LOC128031834: variants seen among roughly 807,000 people sequenced by gnomAD.
At chr3:88,058,159 G>A in the LOC128031834 span, 1 of 152,188 alleles carries the variant, frequency 6.6e-6, no homozygotes, top group African/African-American at 2.4e-5. Context: ...AACAAGTGGT[G>A]GTGGGGAAAT....
chr3:88,058,174 T>C, the LOC128031834 span: 2 of 152,198 alleles, frequency 1.3e-5, no homozygotes, highest in African/African-American at 4.8e-5. Context: ...GGAAATAGTT[T>C]CTGGGCTTGC....
chr3:88,058,187 C>T, the LOC128031834 span: 1 of 152,182 alleles, frequency 6.6e-6, no homozygotes, highest in African/African-American at 2.4e-5. Flanking sequence ...GGGCTTGCAC[C>T]CGATTTTCCC....
At chr3:88,058,163 G>A in the LOC128031834 span, 1 of 152,190 alleles carries the variant, frequency 6.6e-6, no homozygotes, top group Admixed American at 6.5e-5. Flanking sequence ...AGTGGTGGTG[G>A]GGAAATAGTT....
At chr3:88,058,151 C>G in the LOC128031834 span, 1 of 152,188 alleles carries the variant, frequency 6.6e-6, no homozygotes, top group Non-Finnish European at 1.5e-5. Flanking sequence ...AGTTTTTCAA[C>G]AAGTGGTGGT....
chr3:88,058,155 T>C, the LOC128031834 span: 1 of 152,158 alleles, frequency 6.6e-6, no homozygotes, highest in Non-Finnish European at 1.5e-5. Context: ...TTTCAACAAG[T>C]GGTGGTGGGG....
At chr3:88,058,139 TCA>T in the LOC128031834 span, 7 of 152,204 alleles carry the variant, frequency 4.6e-5, no homozygotes, top group African/African-American at 1.4e-4. Context: ...TGCCTTCAAA[TCA>T]GTTTTTCAAC....
At chr3:88,058,168 A>G in the LOC128031834 span, 1 of 152,208 alleles carries the variant, frequency 6.6e-6, no homozygotes, top group East Asian at 1.9e-4. Context: ...TGGTGGGGAA[A>G]TAGTTTCTGG....
the LOC128031834 span, chr3:88,058,212 G>A: frequency 6.6e-6 from 1 of 152,262 alleles, no homozygotes; most frequent in African/African-American, 2.4e-5. Flanking sequence ...GTGCCAGGAA[G>A]TCATGCCTTT....
chr3:88,058,208 G>GA, the LOC128031834 span: 1 of 152,238 alleles, frequency 6.6e-6, no homozygotes, highest in African/African-American at 2.4e-5. Context: ...TGTGGTGCCA[G>GA]GAAGTCATGC....
the LOC128031834 span, chr3:88,058,209 G>A: frequency 2.6e-5 from 4 of 152,258 alleles, no homozygotes; most frequent in Non-Finnish European, 2.9e-5. Context: ...GTGGTGCCAG[G>A]AAGTCATGCC....
the LOC128031834 span, chr3:88,058,161 T>C: frequency 2.0e-5 from 3 of 152,228 alleles, no homozygotes; most frequent in African/African-American, 7.2e-5. Context: ...CAAGTGGTGG[T>C]GGGGAAATAG....
the LOC128031834 span, chr3:88,058,162 G>A: frequency 6.6e-6 from 1 of 152,162 alleles, no homozygotes; most frequent in Non-Finnish European, 1.5e-5. Context: ...AAGTGGTGGT[G>A]GGGAAATAGT....
the LOC128031834 span, chr3:88,058,202 G>A: frequency 4.6e-5 from 7 of 152,242 alleles, no homozygotes; most frequent in East Asian, 5.8e-4. Flanking sequence ...TTTCCCTGTG[G>A]TGCCAGGAAG....
the LOC128031834 span, chr3:88,058,167 AAT>A: frequency 6.6e-6 from 1 of 152,340 alleles, no homozygotes; most frequent in Non-Finnish European, 1.5e-5. Context: ...GTGGTGGGGA[AAT>A]AGTTTCTGGG....
At chr3:88,058,157 G>A in the LOC128031834 span, 1 of 152,244 alleles carries the variant, frequency 6.6e-6, no homozygotes, top group Non-Finnish European at 1.5e-5. Flanking sequence ...TCAACAAGTG[G>A]TGGTGGGGAA....
chr3:88,058,213 TCA>T, the LOC128031834 span: 1 of 152,230 alleles, frequency 6.6e-6, no homozygotes, highest in Non-Finnish European at 1.5e-5. Context: ...TGCCAGGAAG[TCA>T]TGCCTTTACT....
At chr3:88,058,203 T>C in the LOC128031834 span, 10 of 152,240 alleles carry the variant, frequency 6.6e-5, no homozygotes, top group Admixed American at 2.0e-4. Context: ...TTCCCTGTGG[T>C]GCCAGGAAGT....
Sources: allele counts gnomAD v4.1 joint callset, GRCh38; gene constraint gnomAD v4.1.1; transcripts MANE v1.5.